IDH3G: variants seen among roughly 807,000 people sequenced by gnomAD.
IDH3G encodes isocitrate dehydrogenase (NAD(+)) 3 non-catalytic subunit gamma, also known as isocitrate dehydrogenase [NAD] subunit gamma, mitochondrial.
Under a neutral mutation model 26.9 loss-of-function variants are expected in IDH3G, and 9 were observed. The observed-to-expected ratio is 0.34, with a 90% CI of 0.20 to 0.58. IDH3G has a LOEUF of 0.58. IDH3G is among the 20% of genes least tolerant of loss of function. The probability of loss-of-function intolerance (pLI) is 0.85; values close to 1 mark genes in which losing one functional copy is unlikely to be tolerated. For synonymous variants in IDH3G, 181 were observed against 160.0 expected (o/e 1.13, Z -0.99); for missense variants, 250 against 372.8 (o/e 0.67, Z 2.71).
chrX:153,786,725 G>A (rs2092089730), intron 10 of IDH3G, 76 bp downstream of exon 10: 1 of 1,098,096 alleles, frequency 9.1e-7, no homozygotes, highest in Non-Finnish European at 1.2e-6. Context: ...GGGCTAACCG[G>A]ATGGGATGAG....
intron 5 of IDH3G, among the ~76,000 whole-genome samples, chrX:153,788,436 CAACAGAAAGTGACCACTCTTTACT>C (rs1202032298): frequency 8.9e-6 from 1 of 112,883 alleles, no homozygotes; most frequent in African/African-American, 3.2e-5. Context: ...GGCTCTGGAG[CAACAGAAAGTGACCACTCTTTACT>C]AACAGGTTGG....
rs2092122857 is a variant in IDH3G at position 153,794,194 on chromosome X, C to G, written c.81+52G>C. Reference sequence around the variant, plus strand: ...CAGACTGCTTCGGGTGCGGCTACCCCACCGCTCCCCTGCGACCGCTGCCGC... The same window carrying G: ...CAGACTGCTTCGGGTGCGGCTACCCGACCGCTCCCCTGCGACCGCTGCCGC... On this transcript the variant is annotated intron_variant, in intron 1 of 12. Coordinates refer to ENST00000217901, the MANE Select transcript of IDH3G (RefSeq NM_004135.4). The G allele has an allele frequency of 1.2e-5, 13 of 1,129,957 alleles. No homozygotes were observed. In the Admixed American group the frequency reaches 3.4e-4, roughly 29 times the overall value. 93.1% of individuals were successfully genotyped at this position (1,129,957 alleles called of 1,213,427 possible).
In IDH3G at chrX:153,786,269, C is replaced by A. The variant is rs782602410; in HGVS notation, c.1023G>T (p.Leu341=). 2.5e-6 allele frequency: 3 copies of A among 1,204,829 alleles called. No homozygotes were observed. The highest frequency in any genetic ancestry group is 3.4e-6 in the Non-Finnish European group (3 of 891,080). ...ASCMMLDHLK[L]HSYATSIRKA... ...TACGGATGGAGGTGGCATAGGAGTGCAGCCTAGAGGATGGGACAGCCAGCC... is the reference window on the plus strand; with the variant it reads ...TACGGATGGAGGTGGCATAGGAGTGAAGCCTAGAGGATGGGACAGCCAGCC... Residue 341 remains leucine (L), a synonymous_variant, in exon 12 of 13, where the codon CTG becomes CTT. Coordinates refer to ENST00000217901, the MANE Select transcript of IDH3G (RefSeq NM_004135.4).
Position 153,786,792 on chromosome X carries a change from G to A in IDH3G, c.924+9C>T, listed in dbSNP as rs1386390955. On this transcript the variant is annotated intron_variant, in intron 10 of 12. Coordinates refer to ENST00000217901, the MANE Select transcript of IDH3G (RefSeq NM_004135.4). The stretch of plus-strand genomic sequence containing the variant: ...GGCGGCAAGCCGCGGCACTGCCACC[G>A]GCACTCACTGTTTCAAACACCGCGT... 5.5e-5 allele frequency: 66 copies of A among 1,197,172 alleles called. No homozygotes were observed. The highest frequency in any genetic ancestry group is 6.6e-5 in the Admixed American group (3 of 45,324).
chrX:153,788,286 C>T (rs782093666), intron 5 of IDH3G, 151 bp from the exon 6 acceptor site: 12 of 559,219 alleles, frequency 2.1e-5, no homozygotes, highest in Non-Finnish European at 3.7e-5. Flanking sequence ...CTAAGCCCCA[C>T]GAGGCTACAC....
chrX:153,787,465 T>C lies in IDH3G; in HGVS notation c.673A>G (p.Met225Val). Reference protein sequence around the residue: ...KVTAVHKANIMKLGDGLFLQC... With the variant: ...KVTAVHKANIVKLGDGLFLQC... Reference sequence around the variant, plus strand: ...TCGCAGAGAGGTCAGGGGACATACATGATGTTGGCCTTGTGCACGGCCGTC... The same window carrying C: ...TCGCAGAGAGGTCAGGGGACATACACGATGTTGGCCTTGTGCACGGCCGTC... The change falls in exon 8 of 13, where the codon ATG becomes GTG. Residue 225 changes from methionine (M) to valine (V), a missense_variant and splice_region_variant. Physicochemically the swap from Met to Val is conservative, Grantham distance 21 (BLOSUM62 1). Coordinates refer to ENST00000217901, the MANE Select transcript of IDH3G (RefSeq NM_004135.4). 8.3e-7 allele frequency: 1 copy of C among 1,211,026 alleles called. No individual in the cohort carries two copies.
Position 153,785,877 on chromosome X carries a change from C to T in IDH3G, c.1177G>A (p.Ala393Thr). The T allele has an allele frequency of 8.3e-7, 1 of 1,210,905 alleles. No individual in the cohort carries two copies. Among genetic ancestry groups the T allele is most frequent in the Non-Finnish European group, 1.1e-6 (1 of 895,267 alleles). ...IRVINGRAVEA is the reference protein window; with the variant it reads ...IRVINGRAVET Reference sequence around the variant, plus strand: ...AAGAAGGTCCTAGGGCCAGCCTAGGCCTCCACGGCCCGGCCGTTGATGACG... The same window carrying T: ...AAGAAGGTCCTAGGGCCAGCCTAGGTCTCCACGGCCCGGCCGTTGATGACG... The change falls in exon 13 of 13, where the codon GCC becomes ACC. Residue 393 changes from alanine (A) to threonine (T), a missense_variant. Physicochemically the swap from Ala to Thr is moderately conservative, Grantham distance 58. This residue lies in a region of IDH3G where 201 missense variants were observed against 331.3 expected (regional missense o/e 0.61). Coordinates refer to ENST00000217901, the MANE Select transcript of IDH3G (RefSeq NM_004135.4).
chrX:153,792,542 G>A (rs2092113205), intron 1 of IDH3G, among the ~76,000 whole-genome samples: 1 of 112,424 alleles, frequency 8.9e-6, no homozygotes, highest in Non-Finnish European at 1.9e-5. Flanking sequence ...GTGTCCCTGG[G>A]AGGTCACGGG....
chrX:153,786,184 G>A (rs782154727), intron 12 of IDH3G, 28 bp downstream of exon 12: 2 of 1,207,924 alleles, frequency 1.7e-6, no homozygotes, highest in Non-Finnish European at 2.2e-6. Context: ...GGGCGGGGCA[G>A]CAGGGTAGGG....
At chrX:153,791,276 A>G (rs1368836710) in intron 1 of IDH3G, 3 of 138,374 alleles carry the variant, frequency 2.2e-5, no homozygotes, top group Non-Finnish European at 2.8e-5. Context: ...TTCGCCGATC[A>G]CTTTTTCTTA....
rs1557070246 is a variant in IDH3G, at chrX:153,790,577, TAGAAAGGATG to T, written c.124-12_124-3del. On this transcript the variant is annotated splice_region_variant and splice_polypyrimidine_tract_variant and intron_variant, in intron 2 of 12. Transcript: ENST00000217901. ...AAGAATACTCACAATTGTTTGTTCC[TAGAAAGGATG>T]AGAAAGGAAGAAGACACAATCAGCC... 8.3e-7 allele frequency: 1 copy of T among 1,208,188 alleles called. No homozygotes were observed. The highest frequency in any genetic ancestry group is 2.2e-5 in the Admixed American group (1 of 45,963).
At chrX:153,786,145 CGGGCTACAGG>C (rs2092086569) in intron 12 of IDH3G, 57 bp downstream of exon 12, 2 of 1,201,005 alleles carry the variant, frequency 1.7e-6, no homozygotes, top group Non-Finnish European at 2.2e-6. Context: ...GTGCATGAGG[CGGGCTACAGG>C]AGGCTGCAGG....
intron 4 of IDH3G, 108 bp from the exon 5 acceptor site, chrX:153,789,932 T>A: frequency 1.8e-6 from 1 of 552,860 alleles, no homozygotes; most frequent in Non-Finnish European, 3.1e-6. Flanking sequence ...GACCTGGCTC[T>A]GACTGAGAAG....
intron 7 of IDH3G, 102 bp from the exon 8 acceptor site, chrX:153,787,699 C>T: frequency 8.8e-7 from 1 of 1,139,013 alleles, no homozygotes; most frequent in Non-Finnish European, 1.2e-6. Context: ...ACCCTGTCTG[C>T]CTATTTCTGG....
At chrX:153,790,027 G>A (rs1234384402) in intron 4 of IDH3G, 168 bp downstream of exon 4, 36 of 490,979 alleles carry the variant, frequency 7.3e-5, no homozygotes, top group Non-Finnish European at 7.8e-5. Context: ...CACCTTCCCC[G>A]AGCCCAGGCC....
chrX:153,792,333 T>A (rs896061312), intron 1 of IDH3G: 2 of 112,603 alleles, frequency 1.8e-5, no homozygotes, highest in Admixed American at 9.4e-5. Flanking sequence ...TAGGGAGGCC[T>A]CGGTCCAAAT....
rs2092106710 is a variant in IDH3G, at chrX:153,790,791, G to A, written c.123+19C>T. 2 of 1,206,029 alleles carry A rather than the reference G, an allele frequency of 1.7e-6. No homozygotes were observed. Among genetic ancestry groups the A allele is most frequent in the African/African-American group, 3.5e-5 (2 of 57,553 alleles). ...CCACATGGAGAAAGACACATGCGTG[G>A]GCACGGGCAGGTACTTACTGAAAAG... On this transcript the variant is annotated intron_variant, in intron 2 of 12. Coordinates refer to ENST00000217901, the MANE Select transcript of IDH3G (RefSeq NM_004135.4).
At position 153,787,360 on chromosome X, in the gene IDH3G, C is replaced by T. The variant is rs868977478; in HGVS notation, c.674+104G>A. The T allele has an allele frequency of 3.9e-5, 42 of 1,067,516 alleles. No homozygotes were observed. In the African/African-American group the frequency reaches 7.0e-4, roughly 18 times the overall value. 88.0% of individuals were successfully genotyped at this position (1,067,516 alleles called of 1,213,427 possible). On this transcript the variant is annotated intron_variant, in intron 8 of 12. Transcript: ENST00000217901. ...ACAGGGCACTCGCCTAGGGTGGCAC[C>T]TCGGTGGGTAGCTGGGCTTTTGGAC...
chrX:153,788,726 G>A (rs982713879), intron 5 of IDH3G, among the ~76,000 whole-genome samples: 14 of 113,226 alleles, frequency 1.2e-4, no homozygotes, highest in East Asian at 2.8e-4. Context: ...CTCACAGCGC[G>A]GGGGTCCCCT....
Sources: gnomAD v4.1 joint callset for allele counts (sites outside exome capture counted in the v4.1 genomes callset) on GRCh38, gnomAD v4.1.1 for gene constraint, gnomAD v4.1.1 regional missense constraint, MANE v1.5 for transcripts, NCBI Gene and HGNC (gene_info 2026-07-23, HGNC 2026-07-21) for gene names.